SYT17: variants seen among roughly 807,000 people sequenced by gnomAD.
SYT17 encodes the protein synaptotagmin-17.
In SYT17, 22 loss-of-function variants were observed where a neutral mutation model predicts 46.7. The observed-to-expected ratio is 0.47, with a 90% CI of 0.34 to 0.67. The LOEUF is 0.67. SYT17 is among the 30% of genes least tolerant of loss of function. SYT17 has a pLI of 0.01. For synonymous variants in SYT17, 251 were observed against 248.4 expected (o/e 1.01, Z -0.10); for missense variants, 519 against 612.8 (o/e 0.85, Z 1.62).
intron 5 of SYT17, among the ~76,000 whole-genome samples, chr16:19,184,703 C>T (rs1005815384): frequency 6.6e-5 from 10 of 151,996 alleles, no homozygotes; most frequent in African/African-American, 2.2e-4. Flanking sequence ...TGTATAGATT[C>T]CTGTAACCAC....
intron 7 of SYT17, among the ~76,000 whole-genome samples, chr16:19,261,855 GTAT>G (rs1231069042): frequency 2.0e-5 from 3 of 152,126 alleles, no homozygotes; most frequent in Non-Finnish European, 4.4e-5. Context: ...GATTTCCGTG[GTAT>G]TATTATCTCA....
chr16:19,213,758 G>A (rs1309182791), intron 5 of SYT17, among the ~76,000 whole-genome samples: 1 of 151,822 alleles, frequency 6.6e-6, no homozygotes, highest in Non-Finnish European at 1.5e-5. Flanking sequence ...TCAAACTCCT[G>A]GCCTCAACCC....
intron 5 of SYT17, among the ~76,000 whole-genome samples, chr16:19,203,230 C>T (rs1965533518): frequency 6.6e-6 from 1 of 152,050 alleles, no homozygotes; most frequent in Non-Finnish European, 1.5e-5. Context: ...GTGGCTCACG[C>T]CTGTAATCCC....
chr16:19,213,632 C>T (rs896859841), intron 5 of SYT17, among the ~76,000 whole-genome samples: 1 of 152,188 alleles, frequency 6.6e-6, no homozygotes, highest in Non-Finnish European at 1.5e-5. Context: ...GTCTCAGCCT[C>T]CTGAGTATCT....
intron 3 of SYT17, among the ~76,000 whole-genome samples, chr16:19,179,105 A>G (rs1964442175): frequency 6.6e-6 from 1 of 151,930 alleles, no homozygotes; most frequent in African/African-American, 2.4e-5. Flanking sequence ...GCTGTTTACT[A>G]CGCAACCAAG....
chr16:19,185,115 T>A (rs1027596009), intron 5 of SYT17, among the ~76,000 whole-genome samples: 10 of 151,470 alleles, frequency 6.6e-5, no homozygotes, highest in South Asian at 4.2e-4. Flanking sequence ...ACTCCCTCCC[T>A]CCCTTCCTTC....
At chr16:19,214,154 C>T (rs1966005505) in intron 5 of SYT17, among the ~76,000 whole-genome samples, 1 of 152,128 alleles carries the variant, frequency 6.6e-6, no homozygotes, top group South Asian at 2.1e-4. Context: ...GCAGAGAGGA[C>T]AAAATTACCC....
intron 7 of SYT17, among the ~76,000 whole-genome samples, chr16:19,254,190 G>A (rs1041030774): frequency 6.6e-6 from 1 of 152,144 alleles, no homozygotes; most frequent in African/African-American, 2.4e-5. Flanking sequence ...CCCACCACAG[G>A]CACCACCCTC....
chr16:19,209,535 C>G (rs1191209920), intron 5 of SYT17, among the ~76,000 whole-genome samples: 1 of 152,112 alleles, frequency 6.6e-6, no homozygotes, highest in East Asian at 1.9e-4. Context: ...TTGTCAGCCT[C>G]ACTGGGGGCT....
chr16:19,172,578 G>T lies in SYT17; in HGVS notation c.16-182G>T, dbSNP rs1295635602. 6 of 1,520,990 alleles carry T rather than the reference G, an allele frequency of 3.9e-6. No homozygotes were observed. In the African/African-American group the frequency reaches 8.4e-5, roughly 21 times the overall value. The allele number at this position is 1,520,990 out of a possible 1,614,324, so 94.2% of individuals were successfully genotyped here. A position where few individuals can be genotyped will look rare whatever the true frequency, so the allele number is the denominator to read the frequency against. Reference sequence around the variant, plus strand: ...GCAGCCCTGAAAATAGCAACACCTTGTTAGGATGTTAGGAAGTCAGCTCCC... The same window carrying T: ...GCAGCCCTGAAAATAGCAACACCTTTTTAGGATGTTAGGAAGTCAGCTCCC... On this transcript the variant is annotated intron_variant, in intron 1 of 7. Transcript: ENST00000355377.
intron 5 of SYT17, among the ~76,000 whole-genome samples, chr16:19,218,903 T>C (rs1966195146): frequency 6.6e-6 from 1 of 152,168 alleles, no homozygotes; most frequent in African/African-American, 2.4e-5. Flanking sequence ...TTGCACATGT[T>C]GTTCCCTCTG....
chr16:19,198,981 CG>C (rs899118271), intron 5 of SYT17, among the ~76,000 whole-genome samples: 56 of 152,200 alleles, frequency 3.7e-4, no homozygotes, highest in African/African-American at 1.3e-3. Context: ...TCTGAGTGGT[CG>C]GTGGGTGGGT....
At chr16:19,175,519 T>TTG (rs1000235786) in intron 3 of SYT17, among the ~76,000 whole-genome samples, 35 of 151,932 alleles carry the variant, frequency 2.3e-4, no homozygotes, top group African/African-American at 8.0e-4. Context: ...GCTGGGCACG[T>TTG]TGGTGCCTAG....
intron 5 of SYT17, among the ~76,000 whole-genome samples, chr16:19,216,641 T>C (rs1966107509): frequency 6.6e-6 from 1 of 152,206 alleles, no homozygotes; most frequent in South Asian, 2.1e-4. Flanking sequence ...TGTTTGGTTT[T>C]CTGTTCCTGT....
chr16:19,183,889 C>G lies in SYT17; in HGVS notation c.693C>G (p.Val231=). The G allele has an allele frequency of 6.2e-7, 1 of 1,614,220 alleles. No individual in the cohort carries two copies. The highest frequency in any genetic ancestry group is 8.5e-7 in the Non-Finnish European group (1 of 1,180,056). Residue 231 remains valine, a synonymous_variant, in exon 5 of 8, where the codon GTC becomes GTG. Coordinates refer to ENST00000355377, the MANE Select transcript of SYT17 (RefSeq NM_016524.4). This position sits in a 1 kb window ranked among gnomAD's most constrained non-coding sequence, Gnocchi z 5.6. Reference sequence around the variant, plus strand: ...ACATGGCGCACTCCAACCCCTACGTCAAGATCTGTCTCCTGCCAGACCAGA... The same window carrying G: ...ACATGGCGCACTCCAACCCCTACGTGAAGATCTGTCTCCTGCCAGACCAGA... ...RQDMAHSNPY[V]KICLLPDQKN...
intron 5 of SYT17, among the ~76,000 whole-genome samples, chr16:19,208,834 C>T (rs1424225513): frequency 1.3e-5 from 2 of 150,532 alleles, no homozygotes; most frequent in Admixed American, 6.6e-5. Flanking sequence ...TTAAGGCCTA[C>T]CCTACTCCAG....
chr16:19,263,683 TA>T (rs1969159308), intron 7 of SYT17, among the ~76,000 whole-genome samples: 1 of 128,738 alleles, frequency 7.8e-6, no homozygotes, highest in Non-Finnish European at 1.7e-5. Flanking sequence ...AACTTGGACA[TA>T]AATGTTTACA....
chr16:19,195,111 G>A (rs1567206928), intron 5 of SYT17, among the ~76,000 whole-genome samples: 1 of 152,184 alleles, frequency 6.6e-6, no homozygotes, highest in African/African-American at 2.4e-5. Flanking sequence ...ATGGGGATCT[G>A]GGGGAGCACT....
At chr16:19,215,203 CT>C (rs1279720802) in intron 5 of SYT17, among the ~76,000 whole-genome samples, 1 of 152,138 alleles carries the variant, frequency 6.6e-6, no homozygotes, top group Non-Finnish European at 1.5e-5. Context: ...TTATATTTCT[CT>C]TTTTTTAAAA....
Sources: allele counts gnomAD v4.1 joint callset (sites outside exome capture counted in the v4.1 genomes callset), GRCh38; gene constraint gnomAD v4.1.1; non-coding constraint Gnocchi (gnomAD v3.1); transcripts MANE v1.5; gene names NCBI Gene and HGNC (gene_info 2026-07-23, HGNC 2026-07-21).